Variants in TNPO1 observed in about 807,000 individuals in gnomAD.
The protein encoded by TNPO1 is transportin 1, also known as transportin-1.
TNPO1 carries 8 observed loss-of-function variants against 119.5 expected under a neutral mutation model. The ratio of observed to expected loss-of-function variants is 0.07; its 90% CI spans 0.04 to 0.12. TNPO1 has a LOEUF of 0.12. Ranked by LOEUF, TNPO1 falls within the 10% of genes least tolerant of loss-of-function variation. The pLI, the probability that TNPO1 is intolerant of heterozygous loss-of-function variation, is 1.00. For missense variants in TNPO1, 576 were observed against 1,089.8 expected (o/e 0.53, Z 6.64); for synonymous variants, 362 against 363.0 (o/e 1.00, Z 0.03).
intron 22 of TNPO1, 48 bp downstream of exon 22, chr5:72,901,121 T>G: frequency 7.8e-7 from 1 of 1,281,056 alleles, no homozygotes; most frequent in Non-Finnish European, 1.1e-6. Context: ...TAATAAAATT[T>G]TAAAGGAAGA....
chr5:72,850,150 T>C (rs1745436778), intron 2 of TNPO1, among the ~76,000 whole-genome samples: 1 of 152,206 alleles, frequency 6.6e-6, no homozygotes, highest in African/African-American at 2.4e-5. Context: ...GAAGATAATA[T>C]ATTTAATTAT....
At chr5:72,835,019 G>C (rs1161740968) in intron 1 of TNPO1, among the ~76,000 whole-genome samples, 1 of 152,118 alleles carries the variant, frequency 6.6e-6, no homozygotes. Flanking sequence ...TGCTATACAG[G>C]TTTGTGGCCT....
intron 5 of TNPO1, among the ~76,000 whole-genome samples, chr5:72,862,667 A>G (rs929382441): frequency 6.6e-6 from 1 of 151,582 alleles, no homozygotes; most frequent in Non-Finnish European, 1.5e-5. Context: ...TTTGTTTCAA[A>G]CAGGGTCTCG....
At chr5:72,845,959 C>G (rs1745107335) in intron 1 of TNPO1, among the ~76,000 whole-genome samples, 1 of 152,160 alleles carries the variant, frequency 6.6e-6, no homozygotes, top group South Asian at 2.1e-4. Flanking sequence ...TCTAATATTA[C>G]TAAGGCTCAG....
At chr5:72,863,629 C>T (rs533086780) in intron 5 of TNPO1, among the ~76,000 whole-genome samples, 60 of 151,462 alleles carry the variant, frequency 4.0e-4, no homozygotes, top group African/African-American at 1.3e-3. Flanking sequence ...GGCATGGTGT[C>T]GAATGCCTGT....
intron 24 of TNPO1, among the ~76,000 whole-genome samples, 191 bp from the exon 25 acceptor site, chr5:72,908,518 C>T (rs184705573): frequency 2.2e-4 from 33 of 152,246 alleles, no homozygotes; most frequent in Non-Finnish European, 4.1e-4. Context: ...ATGCAGCAAA[C>T]AATTCAGTGC....
intron 5 of TNPO1, among the ~76,000 whole-genome samples, chr5:72,863,590 C>T (rs1158091027): frequency 6.6e-6 from 1 of 152,000 alleles, no homozygotes; most frequent in African/African-American, 2.4e-5. Flanking sequence ...GGTAAAACCC[C>T]ATCTCTACTG....
intron 1 of TNPO1, chr5:72,825,901 TC>T (rs988134442): frequency 5.3e-5 from 8 of 152,358 alleles, no homozygotes; most frequent in Admixed American, 2.0e-4. Flanking sequence ...ACTAAGACAT[TC>T]CCTTTCATTC....
chr5:72,842,515 A>C (rs1744957870), intron 1 of TNPO1, among the ~76,000 whole-genome samples: 2 of 152,244 alleles, frequency 1.3e-5, no homozygotes, highest in African/African-American at 4.8e-5. Flanking sequence ...TACTAACAAA[A>C]TAGTGCATGT....
intron 4 of TNPO1, 38 bp from the exon 5 acceptor site, chr5:72,861,770 G>C: frequency 7.1e-7 from 1 of 1,415,236 alleles, no homozygotes; most frequent in Non-Finnish European, 1.0e-6. Context: ...CTGACATAAT[G>C]CTGTTGGATT....
At position 72,883,047 on chromosome 5, in the gene TNPO1, T is replaced by C. The variant is rs757217118; in HGVS notation, c.982-17T>C. ...TATAATGAATGCCACCAAAAATTTCTCTTAAAAAAACAACAGGGTGATGTT... is the reference window on the plus strand; with the variant it reads ...TATAATGAATGCCACCAAAAATTTCCCTTAAAAAAACAACAGGGTGATGTT... On this transcript the variant is annotated splice_polypyrimidine_tract_variant and intron_variant, in intron 10 of 24. Coordinates refer to ENST00000337273, the MANE Select transcript of TNPO1 (RefSeq NM_002270.4). 2 of 1,603,086 alleles carry C rather than the reference T, an allele frequency of 1.2e-6. No individual in the cohort carries two copies. The highest frequency in any genetic ancestry group is 2.7e-5 in the African/African-American group (2 of 74,592).
chr5:72,875,477 TA>T, intron 7 of TNPO1, 137 bp from the exon 8 acceptor site: 1 of 717,878 alleles, frequency 1.4e-6, no homozygotes, highest in Non-Finnish European at 2.2e-6. Context: ...TTAATTCTTG[TA>T]ATCTAATATT....
chr5:72,873,769 T>C (rs1747573747), intron 7 of TNPO1, among the ~76,000 whole-genome samples: 2 of 152,250 alleles, frequency 1.3e-5, no homozygotes, highest in South Asian at 2.1e-4. Context: ...ATTTAACTGA[T>C]GTTTTCTTTA....
Position 72,816,687 on chromosome 5 carries a change from C to A in TNPO1, c.-51C>A. ...TTCCGCAGCCATTTCAGGCCCCGGA[C>A]AGGAGGCAGTGCCGCTTCGGCCGAA... On this transcript the variant is annotated 5_prime_UTR_variant, in exon 1 of 25. Transcript: ENST00000337273. The A allele has an allele frequency of 6.5e-7, 1 of 1,537,748 alleles. No homozygotes were observed. Among genetic ancestry groups the A allele is most frequent in the Admixed American group, 2.0e-5 (1 of 49,622 alleles).
At chr5:72,864,231 T>C (rs1446482487) in intron 5 of TNPO1, among the ~76,000 whole-genome samples, 1 of 152,206 alleles carries the variant, frequency 6.6e-6, no homozygotes, top group African/African-American at 2.4e-5. Context: ...GTTTGAAATT[T>C]AATATATTGA....
chr5:72,893,594 A>C, intron 17 of TNPO1, 22 bp from the exon 18 acceptor site: 1 of 1,614,158 alleles, frequency 6.2e-7, no homozygotes, highest in Non-Finnish European at 8.5e-7. Flanking sequence ...CATTGGGGTT[A>C]ATTTCTTCTT....
At chr5:72,825,565 T>C (rs931298755) in intron 1 of TNPO1, among the ~76,000 whole-genome samples, 5 of 152,290 alleles carry the variant, frequency 3.3e-5, no homozygotes, top group African/African-American at 1.2e-4. Flanking sequence ...CACGTGCCTG[T>C]AGTCCCAGCT....
intron 5 of TNPO1, among the ~76,000 whole-genome samples, chr5:72,863,014 G>T (rs200967470): frequency 6.7e-6 from 1 of 149,136 alleles, no homozygotes; most frequent in Admixed American, 6.9e-5. Context: ...GTGTGTGTGT[G>T]TGTGTGTGTG....
chr5:72,884,047 G>A (rs1052477943), intron 11 of TNPO1, among the ~76,000 whole-genome samples: 1 of 152,144 alleles, frequency 6.6e-6, no homozygotes, highest in African/African-American at 2.4e-5. Flanking sequence ...ACTGTGTCTG[G>A]CCCAATGTGT....
Sources: allele counts gnomAD v4.1 joint callset (sites outside exome capture counted in the v4.1 genomes callset), GRCh38; gene constraint gnomAD v4.1.1; transcripts MANE v1.5; gene names NCBI Gene and HGNC (gene_info 2026-07-23, HGNC 2026-07-21).